The following CEP128 variants were observed in gnomAD, a reference collection of about 807,000 sequenced individuals.
CEP128 encodes centrosomal protein 128.
In CEP128, 132 loss-of-function variants were observed where a neutral mutation model predicts 156.7. The observed-to-expected ratio is 0.84, with a 90% confidence interval of 0.73 to 0.97. The LOEUF is 0.97. CEP128 is among the 50% of genes least tolerant of loss of function. The pLI is 0.00. For synonymous variants in CEP128, 469 were observed against 448.9 expected (o/e 1.04, Z -0.57); for missense variants, 1,252 against 1,281.9 (o/e 0.98, Z 0.36).
intron 3 of CEP128, among the ~76,000 whole-genome samples, chr14:80,914,851 AAAC>A (rs1473900358): frequency 6.6e-6 from 1 of 152,210 alleles, no homozygotes; most frequent in Non-Finnish European, 1.5e-5. Context: ...AGGAGAAGAA[AAAC>A]AACAAATTTA....
At chr14:80,648,165 T>C (rs1310577546) in intron 19 of CEP128, among the ~76,000 whole-genome samples, 3 of 151,976 alleles carry the variant, frequency 2.0e-5, no homozygotes, top group Admixed American at 6.6e-5. Context: ...ACCAGTGTAA[T>C]GTTTTTTTCA....
chr14:80,535,701 A>T (rs1373150831), intron 21 of CEP128, among the ~76,000 whole-genome samples: 2 of 152,192 alleles, frequency 1.3e-5, no homozygotes, highest in African/African-American at 4.8e-5. Flanking sequence ...TGATACTAAC[A>T]CTGCCTTTTC....
At chr14:80,843,345 A>G (rs1209447091) in intron 9 of CEP128, among the ~76,000 whole-genome samples, 1 of 152,078 alleles carries the variant, frequency 6.6e-6, no homozygotes, top group Non-Finnish European at 1.5e-5. Context: ...AACATAACCT[A>G]TCCCAAGTTC....
At chr14:80,929,514 T>C (rs1168937570) in intron 2 of CEP128, among the ~76,000 whole-genome samples, 1 of 152,224 alleles carries the variant, frequency 6.6e-6, no homozygotes, top group Admixed American at 6.5e-5. Flanking sequence ...GTGGTATATA[T>C]GTATACCATG....
chr14:80,573,825 T>A (rs1447558357), intron 20 of CEP128, among the ~76,000 whole-genome samples: 2 of 152,218 alleles, frequency 1.3e-5, no homozygotes, highest in Non-Finnish European at 2.9e-5. Flanking sequence ...GAGATTTTAA[T>A]GAGCTGTTAA....
intron 12 of CEP128, among the ~76,000 whole-genome samples, chr14:80,832,785 T>C (rs569187830): frequency 6.6e-6 from 1 of 152,322 alleles, no homozygotes; most frequent in Admixed American, 6.5e-5. Flanking sequence ...AAGTTTCAAG[T>C]AGCTAATACA....
At chr14:80,862,923 A>C (rs771813627) in intron 8 of CEP128, 50 bp from the exon 9 acceptor site, 1 of 1,305,568 alleles carries the variant, frequency 7.7e-7, no homozygotes, top group Non-Finnish European at 1.1e-6. Flanking sequence ...AGCAAGCAAA[A>C]CAGACTAAAT....
At chr14:80,835,212 G>A (rs1053892570) in intron 12 of CEP128, among the ~76,000 whole-genome samples, 1 of 152,198 alleles carries the variant, frequency 6.6e-6, no homozygotes, top group African/African-American at 2.4e-5. Context: ...AATTCCAGCA[G>A]ATGCTAGAGC....
chr14:80,935,486 G>A (rs1226415972), intron 2 of CEP128, among the ~76,000 whole-genome samples: 2 of 151,494 alleles, frequency 1.3e-5, no homozygotes, highest in African/African-American at 4.9e-5. Context: ...AGAAGGCAGA[G>A]GTTGCAGTGA....
downstream of CEP128, among the ~76,000 whole-genome samples, chr14:80,487,632 C>T (rs1887198248): frequency 6.6e-6 from 1 of 152,160 alleles, no homozygotes; most frequent in Non-Finnish European, 1.5e-5. Flanking sequence ...GGAAGTAAAG[C>T]ACTCCTCAGC....
intron 19 of CEP128, among the ~76,000 whole-genome samples, chr14:80,696,504 G>A (rs192364927): frequency 1.1e-4 from 16 of 152,266 alleles, no homozygotes; most frequent in East Asian, 1.9e-4. Flanking sequence ...AAGGAATAGC[G>A]TAAAAAGAGC....
intron 14 of CEP128, among the ~76,000 whole-genome samples, chr14:80,483,815 C>T (rs879788064): frequency 1.3e-5 from 2 of 152,142 alleles, no homozygotes; most frequent in Non-Finnish European, 2.9e-5. Context: ...AGAAGCTATA[C>T]ATAATTTAAC....
At chr14:80,734,635 G>A (rs1157236905) in intron 19 of CEP128, among the ~76,000 whole-genome samples, 2 of 151,784 alleles carry the variant, frequency 1.3e-5, no homozygotes, top group African/African-American at 2.4e-5. Flanking sequence ...AGATCATGAG[G>A]TCAAGAGATC....
intron 19 of CEP128, among the ~76,000 whole-genome samples, chr14:80,607,191 T>C (rs1020734597): frequency 1.3e-5 from 2 of 152,050 alleles, no homozygotes; most frequent in African/African-American, 2.4e-5. Context: ...CTATATCATA[T>C]AGACATATCT....
intron 19 of CEP128, among the ~76,000 whole-genome samples, chr14:80,622,564 C>A (rs981007670): frequency 8.6e-5 from 13 of 150,400 alleles, no homozygotes; most frequent in Middle Eastern, 3.5e-3. Flanking sequence ...ACTCATCTGA[C>A]AAAGGGCTAA....
chr14:80,722,534 A>AAT (rs914235513), intron 19 of CEP128, among the ~76,000 whole-genome samples: 4 of 151,428 alleles, frequency 2.6e-5, no homozygotes, highest in South Asian at 4.2e-4. Flanking sequence ...AAGTATATAT[A>AAT]ATATATATAT....
intron 19 of CEP128, among the ~76,000 whole-genome samples, chr14:80,653,582 G>C (rs75499578): frequency 0.029 from 4,419 of 152,184 alleles, 189 homozygotes; most frequent in East Asian, 0.1. Context: ...AGGAGAAGTC[G>C]ATGCTTGTCT....
At chr14:80,547,315 T>C (rs1006889036) in intron 21 of CEP128, among the ~76,000 whole-genome samples, 1 of 152,228 alleles carries the variant, frequency 6.6e-6, no homozygotes, top group South Asian at 2.1e-4. Flanking sequence ...AATATGAGAT[T>C]TGATTGCAAA....
At chr14:80,655,012 C>T (rs1895069753) in intron 19 of CEP128, among the ~76,000 whole-genome samples, 1 of 152,132 alleles carries the variant, frequency 6.6e-6, no homozygotes, top group Non-Finnish European at 1.5e-5. Context: ...GTTTACATGT[C>T]TCTTTTTTTC....
Sources: gnomAD v4.1 joint callset for allele counts (sites outside exome capture counted in the v4.1 genomes callset) on GRCh38, gnomAD v4.1.1 for gene constraint, MANE v1.5 for transcripts, NCBI Gene and HGNC (gene_info 2026-07-23, HGNC 2026-07-21) for gene names.